The following KCNIP3 variants were observed in gnomAD, a reference collection of about 807,000 sequenced individuals.
KCNIP3 encodes calsenilin.
A neutral mutation model predicts 35.0 loss-of-function variants in KCNIP3; 28 were observed. The ratio of observed to expected loss-of-function variants is 0.80; its 90% CI spans 0.59 to 1.10. The LOEUF (loss-of-function observed/expected upper bound fraction) is 1.10, where lower values mean the gene tolerates loss of function less well. Ranked by LOEUF, KCNIP3 falls within the 50% of genes least tolerant of loss-of-function variation. The pLI is 0.00. For synonymous variants in KCNIP3, 134 were observed against 133.8 expected (o/e 1.00, Z -0.01); for missense variants, 295 against 338.4 (o/e 0.87, Z 1.01).
chr2:95,376,970 C>G lies in KCNIP3; in HGVS notation c.447+1762C>G, dbSNP rs1193903267. 6.6e-6 allele frequency among the ~76,000 whole-genome samples: 1 copy of G among 152,186 alleles called. No individual in the cohort carries two copies. Among genetic ancestry groups the G allele is most frequent in the Admixed American group, 6.5e-5 (1 of 15,278 alleles). ...ATGGTAAAAGGTAATACCCTCCCTC[C>G]GCTCACCAAAAAGAATAACCAAAAA... On this transcript the variant is annotated intron_variant, in intron 5 of 8. Transcript: ENST00000295225. This position sits in a 1 kb window ranked among gnomAD's most constrained non-coding sequence, Gnocchi z 4.2.
intron 1 of KCNIP3, among the ~76,000 whole-genome samples, chr2:95,302,341 C>T (rs1678058728): frequency 6.6e-6 from 1 of 152,252 alleles, no homozygotes; most frequent in African/African-American, 2.4e-5. Context: ...GAGGGACAGA[C>T]ACTCTAAACA....
chr2:95,355,125 A>G lies in KCNIP3; in HGVS notation c.182-19171A>G, dbSNP rs1573509254. 3 of 152,312 alleles carry G rather than the reference A, an allele frequency of 2.0e-5. No individual in the cohort carries two copies. The Middle Eastern group carries it at 0.01, about 518-fold the overall frequency. The allele number at this position is 152,312 out of a possible 1,614,324, so 9.4% of individuals were successfully genotyped here. On this transcript the variant is annotated intron_variant, in intron 2 of 8. Transcript: ENST00000295225. ...ACACCGGCACACCTGCCCTGAATGCATCCACAGCTGCAGGGCCTTGGGGAC... is the reference window on the plus strand; with the variant it reads ...ACACCGGCACACCTGCCCTGAATGCGTCCACAGCTGCAGGGCCTTGGGGAC...
intron 2 of KCNIP3, among the ~76,000 whole-genome samples, chr2:95,315,022 C>A (rs1015330422): frequency 6.6e-6 from 1 of 152,184 alleles, no homozygotes; most frequent in African/African-American, 2.4e-5. Context: ...GGGGTGGGCA[C>A]AGGACGGGGA....
Position 95,376,135 on chromosome 2 carries a change from C to A in KCNIP3, c.447+927C>A, listed in dbSNP as rs1014464867. 6.6e-6 allele frequency among the ~76,000 whole-genome samples: 1 copy of A among 152,208 alleles called. No individual in the cohort carries two copies. The highest frequency in any genetic ancestry group is 6.5e-5 in the Admixed American group (1 of 15,284). ...GAGGGCTCTGCACATAGAAGCAGAC[C>A]GTGTTTTCAAATCTTGTTTTCAGAT... On this transcript the variant is annotated intron_variant, in intron 5 of 8. Transcript: ENST00000295225. The surrounding 1 kb of genome is among the most constrained non-coding windows in gnomAD (Gnocchi z 4.2).
chr2:95,354,350 C>A (rs1470407011), intron 2 of KCNIP3, among the ~76,000 whole-genome samples: 3 of 152,234 alleles, frequency 2.0e-5, no homozygotes, highest in Non-Finnish European at 4.4e-5. Context: ...TATATGCCAC[C>A]ATAGCACGCA....
At chr2:95,364,992 G>A (rs1679884897) in intron 2 of KCNIP3, among the ~76,000 whole-genome samples, 1 of 151,978 alleles carries the variant, frequency 6.6e-6, no homozygotes. Context: ...AGACTGAGGT[G>A]GGAGGATCAC....
At chr2:95,329,863 G>A (rs1009343087) in intron 2 of KCNIP3, among the ~76,000 whole-genome samples, 2 of 152,228 alleles carry the variant, frequency 1.3e-5, no homozygotes, top group Non-Finnish European at 2.9e-5. Flanking sequence ...TCTTCCCTGC[G>A]CGTCTTTAAT....
intron 2 of KCNIP3, among the ~76,000 whole-genome samples, chr2:95,342,729 G>A (rs556287017): frequency 2.0e-5 from 3 of 152,134 alleles, no homozygotes; most frequent in Admixed American, 6.5e-5. Flanking sequence ...GCTTTTCCCC[G>A]GGGCCAGTCT....
intron 2 of KCNIP3, among the ~76,000 whole-genome samples, chr2:95,320,981 T>A (rs1238797677): frequency 1.2e-5 from 1 of 82,234 alleles, no homozygotes; most frequent in East Asian, 4.1e-4. Flanking sequence ...CTCCCTGGCA[T>A]CCCCAGCCTT....
At chr2:95,354,553 C>T (rs970796193) in intron 2 of KCNIP3, among the ~76,000 whole-genome samples, 1 of 152,146 alleles carries the variant, frequency 6.6e-6, no homozygotes, top group African/African-American at 2.4e-5. Flanking sequence ...ATGTCTAGAA[C>T]CAGGATGTGC....
At chr2:95,383,171 C>T (rs891809275) in intron 7 of KCNIP3, 61 bp from the exon 8 acceptor site, 2 of 1,345,492 alleles carry the variant, frequency 1.5e-6, no homozygotes, top group African/African-American at 2.9e-5. Context: ...CGTCCTCAGG[C>T]CAGGGGCGGG....
chr2:95,364,963 G>C (rs1679884454), intron 2 of KCNIP3, among the ~76,000 whole-genome samples: 1 of 152,064 alleles, frequency 6.6e-6, no homozygotes, highest in Admixed American at 6.5e-5. Context: ...GTGTGTGCCT[G>C]TAGTCTCAGC....
intron 2 of KCNIP3, among the ~76,000 whole-genome samples, chr2:95,343,429 G>A (rs1034020535): frequency 1.3e-5 from 2 of 152,162 alleles, no homozygotes; most frequent in Non-Finnish European, 2.9e-5. Flanking sequence ...AACTAAACTA[G>A]AATAAGGCAG....
chr2:95,352,157 G>A (rs1238195406), intron 2 of KCNIP3, among the ~76,000 whole-genome samples: 1 of 152,072 alleles, frequency 6.6e-6, no homozygotes, highest in African/African-American at 2.4e-5. Flanking sequence ...CAGCTACTTG[G>A]GAGGCTGAGG....
At chr2:95,315,582 AAACCT>A (rs1678434069) in intron 2 of KCNIP3, among the ~76,000 whole-genome samples, 2 of 152,130 alleles carry the variant, frequency 1.3e-5, no homozygotes, top group Admixed American at 1.3e-4. Flanking sequence ...GAATCAGTGT[AAACCT>A]GTGCCTTCGG....
At chr2:95,341,998 C>A (rs957566552) in intron 2 of KCNIP3, among the ~76,000 whole-genome samples, 2 of 152,022 alleles carry the variant, frequency 1.3e-5, no homozygotes, top group Non-Finnish European at 2.9e-5. Context: ...GGTGACTCTG[C>A]GGAAGTGACA....
At chr2:95,297,493 T>TG (rs778802476) in intron 1 of KCNIP3, 40 bp downstream of exon 1, 19 of 155,500 alleles carry the variant, frequency 1.2e-4, no homozygotes, top group South Asian at 1.5e-4. Context: ...TGGAGGGGGG[T>TG]CGGGGGGAGG....
At position 95,315,865 on chromosome 2, in the gene KCNIP3, T is replaced by G. The variant is rs1678447999; in HGVS notation, c.181+5345T>G. On this transcript the variant is annotated intron_variant, in intron 2 of 8. Coordinates refer to ENST00000295225, the MANE Select transcript of KCNIP3 (RefSeq NM_013434.5). ...ACAGCCTCCCTGCGCCCTCCAGACC[T>G]GCCCTGCCTCGGGCCCCATCCACAG... Among the ~76,000 whole-genome samples, 4 of 152,300 alleles carry G rather than the reference T, an allele frequency of 2.6e-5. No homozygotes were observed. In the South Asian group the frequency reaches 8.3e-4, roughly 32 times the overall value.
intron 1 of KCNIP3, among the ~76,000 whole-genome samples, chr2:95,309,633 AG>A (rs892560698): frequency 6.2e-4 from 95 of 152,292 alleles, no homozygotes; most frequent in African/African-American, 2.3e-3. Context: ...CATGTTGGTC[AG>A]GCTGGTCTCG....
Sources: gnomAD v4.1 joint callset for allele counts (sites outside exome capture counted in the v4.1 genomes callset) on GRCh38, gnomAD v4.1.1 for gene constraint, Gnocchi (gnomAD v3.1) non-coding constraint, MANE v1.5 for transcripts, NCBI Gene and HGNC (gene_info 2026-07-23, HGNC 2026-07-21) for gene names.